The following TM9SF1 variants were observed in gnomAD, a reference collection of about 807,000 sequenced individuals.
TM9SF1 encodes the protein MP70 protein family member.
A neutral mutation model predicts 52.4 loss-of-function variants in TM9SF1; 25 were observed. The observed-to-expected ratio is 0.48, with a 90% CI of 0.35 to 0.67. The LOEUF is 0.67. Ranked by LOEUF, TM9SF1 falls within the 30% of genes least tolerant of loss-of-function variation. TM9SF1 has a pLI of 0.01. For synonymous variants in TM9SF1, 284 were observed against 299.8 expected, an observed-to-expected ratio of 0.95 and a Z score of 0.55; for missense variants, 604 against 780.3, an observed-to-expected ratio of 0.77 and a Z score of 2.69.
rs1453552457 is a variant in TM9SF1, at chr14:24,192,928, A to G, written c.687T>C (p.Pro229=). ...ACAACCAATGGATTTCCAGTGTTCG[A>G]GGAAAGAAACCACCATCGTCACCAC... is the stretch of plus-strand genomic sequence containing the variant. ...RRRGDDGGFF[P]RTLEIHWLSI... is the part of the protein sequence containing the mutation. Residue 229 remains proline (P), a synonymous_variant, in exon 3 of 6, where the codon CCT becomes CCC. Transcript: ENST00000261789. The surrounding 1 kb of genome is among the most constrained non-coding windows in gnomAD (Gnocchi z 4.0). 1.2e-6 allele frequency: 2 copies of G among 1,614,160 alleles called. No homozygotes were observed. The highest frequency in any genetic ancestry group is 2.2e-5 in the South Asian group (2 of 91,084).
At chr14:24,190,344 C>A in intron 5 of TM9SF1, 36 bp downstream of exon 5, 1 of 1,536,738 alleles carries the variant, frequency 6.5e-7, no homozygotes, top group Non-Finnish European at 8.8e-7. Flanking sequence ...AGGTCAGGAA[C>A]CTGACAGTAA....
Position 24,190,440 on chromosome 14 carries a change from G to A in TM9SF1, c.1367C>T (p.Pro456Leu). ...GACAGTAGACTTGTACCAGGGCTGG[G>A]GTGGAATCTCCCGGGCGATGTTCTT... ...RTKNIAREIP[P>L]QPWYKSTVIH... The change falls in exon 5 of 6, where the codon CCC becomes CTC. Residue 456 changes from proline (P) to leucine (L), a missense_variant. Pro to Leu is a moderately conservative substitution (Grantham distance 98). Around this residue, in one of 3 missense-constraint regions of TM9SF1, gnomAD observed 450 missense variants for 560.1 expected, o/e 0.80. Transcript: ENST00000261789. The A allele has an allele frequency of 6.2e-7, 1 of 1,613,294 alleles. No homozygotes were observed. Among genetic ancestry groups the A allele is most frequent in the Non-Finnish European group, 8.5e-7 (1 of 1,179,454 alleles).
intron 1 of TM9SF1, 84 bp downstream of exon 1, chr14:24,195,262 C>A (rs2039380641): frequency 3.7e-6 from 2 of 537,634 alleles, no homozygotes; most frequent in Non-Finnish European, 6.7e-6. Context: ...GGGGCCTCTA[C>A]TACGCGCCCT....
Position 24,189,507 on chromosome 14 carries a change from C to G in TM9SF1, c.1729G>C (p.Gly577Arg). ...CCCAGCATGAGGAAGAAGACATAAC[C>G]AGTGAGTAAGGAGTAGCCGAAGAAC... is the stretch of plus-strand genomic sequence containing the variant. ...VEFFGYSLLTGYVFFLMLGTI... is the reference protein window; with the variant it reads ...VEFFGYSLLTRYVFFLMLGTI... The change falls in exon 6 of 6, where the codon GGT (glycine) becomes CGT (arginine). Residue 577 changes from glycine to arginine, a missense_variant. Physicochemically the swap from Gly to Arg is moderately radical, Grantham distance 125. Around this residue, in one of 3 missense-constraint regions of TM9SF1, gnomAD observed 107 missense variants for 180.5 expected, o/e 0.59. Transcript: ENST00000261789. 1 of 1,614,122 alleles carries G rather than the reference C, an allele frequency of 6.2e-7. No individual in the cohort carries two copies. Among genetic ancestry groups the G allele is most frequent in the South Asian group, 1.1e-5 (1 of 91,074 alleles).
At position 24,193,071 on chromosome 14, in the gene TM9SF1, G is replaced by A. The variant is rs138817054; in HGVS notation, c.544C>T (p.Arg182Trp). The A allele has an allele frequency of 3.0e-5, 49 of 1,614,016 alleles. No homozygotes were observed. In the African/African-American group the frequency reaches 3.7e-4, roughly 12 times the overall value. The change falls in exon 3 of 6, where the codon CGG (arginine) becomes TGG (tryptophan). Residue 182 changes from arginine (R) to tryptophan (W), a missense_variant. Coordinates refer to ENST00000261789, the MANE Select transcript of TM9SF1 (RefSeq NM_006405.7). ...TCCAAGCTGTGGGGCTTGACGTCCC[G>A]CACTGAAACATTGGCAAATATAATT... ...DRIIFANVSV[R>W]DVKPHSLDGL...
In TM9SF1 at chr14:24,190,365, A is replaced by C. The variant is rs988195125; in HGVS notation, c.1427+15T>G. ...GGAACCTGACAGTAATAGCCATGGAATAAAGGGAGGATACCTGAAAGGCAG... is the reference window on the plus strand; with the variant it reads ...GGAACCTGACAGTAATAGCCATGGACTAAAGGGAGGATACCTGAAAGGCAG... On this transcript the variant is annotated intron_variant, in intron 5 of 5. Transcript: ENST00000261789. 2 of 1,558,518 alleles carry C rather than the reference A, an allele frequency of 1.3e-6. No individual in the cohort carries two copies. Among genetic ancestry groups the C allele is most frequent in the Non-Finnish European group, 1.7e-6 (2 of 1,150,480 alleles).
intron 4 of TM9SF1, 186 bp downstream of exon 4, chr14:24,191,983 ATT>A (rs1044072550): frequency 1.7e-6 from 1 of 593,206 alleles, no homozygotes; most frequent in Non-Finnish European, 3.0e-6. Flanking sequence ...TGCCCGGCTA[ATT>A]TTTTGTTATA....
chr14:24,192,064 G>A lies in TM9SF1; in HGVS notation c.1153+107C>T, dbSNP rs1212333634. ...TGGGCTCAAGTGATCCTCCGGCCTC[G>A]GTCTCCCAAAGTGCTAGGATTACAG... is the stretch of plus-strand genomic sequence containing the variant. On this transcript the variant is annotated intron_variant, in intron 4 of 5. Transcript: ENST00000261789. This position sits in a 1 kb window ranked among gnomAD's most constrained non-coding sequence, Gnocchi z 4.0. 2.3e-5 allele frequency: 26 copies of A among 1,153,414 alleles called. No homozygotes were observed. The Middle Eastern group carries it at 6.1e-4, about 27-fold the overall frequency. 71.4% of individuals were successfully genotyped at this position (1,153,414 alleles called of 1,614,324 possible).
chr14:24,195,044 G>A lies in TM9SF1; in HGVS notation c.-17-8C>T, dbSNP rs758255615. On this transcript the variant is annotated splice_polypyrimidine_tract_variant and splice_region_variant and intron_variant, in intron 1 of 5. Transcript: ENST00000261789. ...TCCTTAAGGCAGTGGAACCTGTTTGGGGGAATCCTGAGGTTATAGAAACCA... is the reference window on the plus strand; with the variant it reads ...TCCTTAAGGCAGTGGAACCTGTTTGAGGGAATCCTGAGGTTATAGAAACCA... The A allele has an allele frequency of 6.3e-7, 1 of 1,598,890 alleles. No individual in the cohort carries two copies. The highest frequency in any genetic ancestry group is 8.6e-7 in the Non-Finnish European group (1 of 1,168,942).
intron 5 of TM9SF1, chr14:24,190,172 A>G: frequency 7.2e-7 from 1 of 1,379,580 alleles, no homozygotes; most frequent in Non-Finnish European, 9.3e-7. Context: ...TGAAGGGGGA[A>G]ATGTCTCCGG....
At position 24,194,940 on chromosome 14, in the gene TM9SF1, C is replaced by G; in HGVS notation, c.80G>C (p.Gly27Ala). The G allele has an allele frequency of 6.2e-7, 1 of 1,614,206 alleles. No homozygotes were observed. The highest frequency in any genetic ancestry group is 8.5e-7 in the Non-Finnish European group (1 of 1,180,044). Residue 27 changes from glycine (G) to alanine (A), a missense_variant, in exon 2 of 6, where the codon GGG becomes GCG. By Grantham distance (60) the Gly-to-Ala change is moderately conservative (BLOSUM62 0). This residue lies in a region of TM9SF1 where 47 missense variants were observed against 39.7 expected (regional missense o/e 1.18). Coordinates refer to ENST00000261789, the MANE Select transcript of TM9SF1 (RefSeq NM_006405.7). ...ILILLLGTGH[G>A]PGVEGVTHYK... ...GTGTGTCACGCCTTCCACCCCTGGC[C>G]CATGGCCTGTGCCCAGCAACAGTAT...
chr14:24,193,187 C>A lies in TM9SF1; in HGVS notation c.428G>T (p.Gly143Val). The A allele has an allele frequency of 6.2e-7, 1 of 1,614,086 alleles. No homozygotes were observed. Among genetic ancestry groups the A allele is most frequent in the Non-Finnish European group, 8.5e-7 (1 of 1,180,006 alleles). Residue 143 changes from glycine (G) to valine (V), a missense_variant, in exon 3 of 6, where the codon GGC becomes GTC. By Grantham distance (109) the Gly-to-Val change is moderately radical. Transcript: ENST00000261789. ...CAGGAAACCACTCTCCTCCATGTAG[C>A]CCACAAAGCCCCGGATTGGCAAGTC... ...VDDLPIRGFVGYMEESGFLPH... is the reference protein window; with the variant it reads ...VDDLPIRGFVVYMEESGFLPH...
chr14:24,194,528 A>T, intron 2 of TM9SF1, 147 bp downstream of exon 2: 2 of 774,692 alleles, frequency 2.6e-6, no homozygotes, highest in Non-Finnish European at 4.3e-6. Context: ...TTAGAATAGC[A>T]TCACCTAACC....
rs1348396629 is a variant in TM9SF1 at position 24,193,043 on chromosome 14, C to T, written c.572G>A (p.Gly191Glu). The T allele has an allele frequency of 6.2e-7, 1 of 1,614,192 alleles. No individual in the cohort carries two copies. Among genetic ancestry groups the T allele is most frequent in the Non-Finnish European group, 8.5e-7 (1 of 1,180,022 alleles). ...VRDVKPHSLD[G>E]LRPDEFLGLT... ...GCCTAGGAACTCGTCAGGTCGTAACCCATCCAAGCTGTGGGGCTTGACGTC... is the reference window on the plus strand; with the variant it reads ...GCCTAGGAACTCGTCAGGTCGTAACTCATCCAAGCTGTGGGGCTTGACGTC... Residue 191 changes from glycine to glutamate, a missense_variant, in exon 3 of 6, where the codon GGG (glycine) becomes GAG (glutamate). Transcript: ENST00000261789.
In TM9SF1 at chr14:24,193,364, G is replaced by T. The variant is rs1194268121; in HGVS notation, c.346-95C>A. ...ACCTTCAGCACTACTGATATTTTGG[G>T]GTGGATAATTCTTTTTTTTCGAGAT... On this transcript the variant is annotated intron_variant, in intron 2 of 5. Coordinates refer to ENST00000261789, the MANE Select transcript of TM9SF1 (RefSeq NM_006405.7). The T allele has an allele frequency of 1.0e-5, 14 of 1,386,076 alleles. No individual in the cohort carries two copies. The Admixed American group carries it at 3.2e-4, about 31-fold the overall frequency. The allele number at this position is 1,386,076 out of a possible 1,614,324, so 85.9% of individuals were successfully genotyped here. A position where few individuals can be genotyped will look rare whatever the true frequency, so the allele number is the denominator to read the frequency against.
chr14:24,191,996 G>C (rs1339996480), intron 4 of TM9SF1, 175 bp downstream of exon 4: 1 of 646,718 alleles, frequency 1.5e-6, no homozygotes, highest in Non-Finnish European at 2.7e-6. Context: ...TTTTGTTATA[G>C]AGAGAGGGTC....
chr14:24,194,644 G>A (rs761715751), intron 2 of TM9SF1, 31 bp downstream of exon 2: 2 of 1,587,868 alleles, frequency 1.3e-6, no homozygotes, highest in East Asian at 2.2e-5. Flanking sequence ...GGGAAGGAGG[G>A]CTACGTGATA....
At chr14:24,193,369 A>AT in intron 2 of TM9SF1, 100 bp from the exon 3 acceptor site, 3 of 1,364,848 alleles carry the variant, frequency 2.2e-6, no homozygotes, top group Non-Finnish European at 3.0e-6. Flanking sequence ...TTTGGGGTGG[A>AT]TAATTCTTTT....
At chr14:24,189,982 T>G (rs1331197290) in intron 5 of TM9SF1, 174 bp from the exon 6 acceptor site, 2 of 1,394,240 alleles carry the variant, frequency 1.4e-6, no homozygotes, top group Non-Finnish European at 1.9e-6. Flanking sequence ...TTGCCTATGA[T>G]TAGCCGCTCT....
Sources: gnomAD v4.1 joint callset for allele counts on GRCh38, gnomAD v4.1.1 for gene constraint, gnomAD v4.1.1 regional missense constraint, Gnocchi (gnomAD v3.1) non-coding constraint, MANE v1.5 for transcripts, NCBI Gene and HGNC (gene_info 2026-07-23, HGNC 2026-07-21) for gene names.